The following MPRIP variants were observed in gnomAD, a reference collection of about 807,000 sequenced individuals.
The protein encoded by MPRIP is myosin phosphatase Rho-interacting protein.
A neutral mutation model predicts 234.9 loss-of-function variants in MPRIP; 59 were observed. The observed-to-expected ratio is 0.25, with a 90% CI of 0.20 to 0.31. The LOEUF (loss-of-function observed/expected upper bound fraction) is 0.31. Among genes scored for constraint, MPRIP ranks in the 10% least tolerant of loss-of-function variants. MPRIP has a pLI of 1.00. For missense variants in MPRIP, 2,436 were observed against 3,071.0 expected, an observed-to-expected ratio of 0.79 and a Z score of 4.89; for synonymous variants, 1,144 against 1,263.9, an observed-to-expected ratio of 0.91 and a Z score of 2.01.
intron 1 of MPRIP, among the ~76,000 whole-genome samples, chr17:17,051,609 A>G (rs1401313555): frequency 6.6e-6 from 1 of 152,136 alleles, no homozygotes; most frequent in South Asian, 2.1e-4. Flanking sequence ...TCTGCCCTAG[A>G]TTTTGTGCTT....
intron 23 of MPRIP, 76 bp from the exon 24 acceptor site, chr17:17,184,747 G>C: frequency 8.5e-7 from 1 of 1,171,272 alleles, no homozygotes; most frequent in Non-Finnish European, 1.3e-6. Flanking sequence ...CCAGCGGTCC[G>C]GTCTGGTCCG....
At position 17,138,155 on chromosome 17, in the gene MPRIP, G is replaced by T; in HGVS notation, c.976G>T (p.Val326Phe). The change falls in exon 7 of 24, where the codon GTC becomes TTC. Residue 326 changes from valine (V) to phenylalanine (F), a missense_variant. Val to Phe is a conservative substitution (Grantham distance 50, BLOSUM62 -1). Transcript: ENST00000651222. This position sits in a 1 kb window ranked among gnomAD's most constrained non-coding sequence, Gnocchi z 5.8. Reference sequence around the variant, plus strand: ...AGGTCCTCGACTCCCCCACCAAATGGTCTGCAGCATCTCCCTCAGCTCCCT... The same window carrying T: ...AGGTCCTCGACTCCCCCACCAAATGTTCTGCAGCATCTCCCTCAGCTCCCT... ...SPGPRLPHQM[V>F]CSISLSSLDV... The T allele has an allele frequency of 7.7e-7, 1 of 1,293,958 alleles. No individual in the cohort carries two copies. Among genetic ancestry groups the T allele is most frequent in the Middle Eastern group, 2.0e-4 (1 of 5,086 alleles). 80.2% of individuals were successfully genotyped at this position (1,293,958 alleles called of 1,614,324 possible).
chr17:17,095,839 G>A (rs1686357886), intron 3 of MPRIP, among the ~76,000 whole-genome samples: 6 of 152,154 alleles, frequency 3.9e-5, no homozygotes, highest in Admixed American at 3.9e-4. Flanking sequence ...GTCTGCAGCA[G>A]TGCCAGCCTG....
At position 17,192,560 on chromosome 17, in the gene MPRIP, C is replaced by T. The variant is rs1369491013; in HGVS notation, c.*7666C>T. 5 of 151,654 alleles carry T rather than the reference C, an allele frequency of 3.3e-5. No homozygotes were observed. The highest frequency in any genetic ancestry group is 7.4e-5 in the Non-Finnish European group (5 of 67,982). The allele number at this position is 151,654 out of a possible 1,614,324, so 9.4% of individuals were successfully genotyped here. ...TCCTTTGTGTGACATGCTAGATTCC[C>T]TGGATGTAGCTGATCATTTTTATTT... On this transcript the variant is annotated 3_prime_UTR_variant, in exon 24 of 24. Transcript: ENST00000651222.
Position 17,143,522 on chromosome 17 carries a change from G to A in MPRIP, c.1390-34G>A, listed in dbSNP as rs1239868544. ...TCCCTCACATGCCCACATTGCCCTG[G>A]GCTGCACTGACCAGCGGCTGCTCTC... On this transcript the variant is annotated intron_variant, in intron 8 of 23. Transcript: ENST00000651222. 5 of 1,469,442 alleles carry A rather than the reference G, an allele frequency of 3.4e-6. No homozygotes were observed. The East Asian group carries it at 1.2e-4, about 35-fold the overall frequency. The allele number at this position is 1,469,442 out of a possible 1,614,324, so 91.0% of individuals were successfully genotyped here.
intron 9 of MPRIP, among the ~76,000 whole-genome samples, chr17:17,145,331 TC>T (rs1164640925): frequency 3.3e-5 from 5 of 152,160 alleles, no homozygotes; most frequent in Admixed American, 3.3e-4. Flanking sequence ...AGAGAGCACC[TC>T]GGACCAGAGA....
At chr17:17,045,527 A>C (rs2088318622) in intron 1 of MPRIP, among the ~76,000 whole-genome samples, 1 of 152,210 alleles carries the variant, frequency 6.6e-6, no homozygotes, top group African/African-American at 2.4e-5. Flanking sequence ...AGCCAATGTT[A>C]GTTCCCCTAC....
intron 6 of MPRIP, among the ~76,000 whole-genome samples, chr17:17,136,803 GC>G (rs776235435): frequency 2.6e-5 from 4 of 152,200 alleles, no homozygotes; most frequent in African/African-American, 9.7e-5. Context: ...TGTGCATCCT[GC>G]CCCAAGAAGC....
Position 17,143,675 on chromosome 17 carries a change from C to T in MPRIP, c.1503+6C>T, listed in dbSNP as rs1193657406. 1.3e-6 allele frequency: 2 copies of T among 1,580,296 alleles called. No individual in the cohort carries two copies. Among genetic ancestry groups the T allele is most frequent in the Non-Finnish European group, 1.7e-6 (2 of 1,159,210 alleles). ...CCACGGAGCCCTCCGTGACGGTGAGCCCAGGCGCCGCGTCCTCCGGAGGCC... is the reference window on the plus strand; with the variant it reads ...CCACGGAGCCCTCCGTGACGGTGAGTCCAGGCGCCGCGTCCTCCGGAGGCC... On this transcript the variant is annotated splice_donor_region_variant and intron_variant, in intron 9 of 23. Coordinates refer to ENST00000651222, the MANE Select transcript of MPRIP (RefSeq NM_001364716.4).
chr17:17,067,361 G>A (rs2089063291), intron 1 of MPRIP, among the ~76,000 whole-genome samples: 1 of 152,126 alleles, frequency 6.6e-6, no homozygotes, highest in South Asian at 2.1e-4. Flanking sequence ...GGATGCACAA[G>A]CACTGCAACA....
Position 17,138,179 on chromosome 17 carries a change from C to G in MPRIP, c.1000C>G (p.Leu334Val). 1 of 1,086,006 alleles carries G rather than the reference C, an allele frequency of 9.2e-7. No homozygotes were observed. Among genetic ancestry groups the G allele is most frequent in the Non-Finnish European group, 1.3e-6 (1 of 768,550 alleles). The allele number at this position is 1,086,006 out of a possible 1,614,324, so 67.3% of individuals were successfully genotyped here. A position where few individuals can be genotyped will look rare whatever the true frequency, so the allele number is the denominator to read the frequency against. Reference sequence around the variant, plus strand: ...GGTCTGCAGCATCTCCCTCAGCTCCCTGGATGTGGCCAGCCAGCCACCTGC... The same window carrying G: ...GGTCTGCAGCATCTCCCTCAGCTCCGTGGATGTGGCCAGCCAGCCACCTGC... ...QMVCSISLSS[L>V]DVASQPPAYV... The change falls in exon 7 of 24, where the codon CTG (leucine) becomes GTG (valine). Residue 334 changes from leucine (L) to valine (V), a missense_variant. By Grantham distance (32) the Leu-to-Val change is conservative. Around this residue, in one of 4 missense-constraint regions of MPRIP, gnomAD observed 267 missense variants for 252.7 expected, o/e 1.06. Transcript: ENST00000651222. The surrounding 1 kb of genome is among the most constrained non-coding windows in gnomAD (Gnocchi z 5.8).
intron 19 of MPRIP, 42 bp from the exon 20 acceptor site, chr17:17,175,251 C>T: frequency 6.2e-7 from 1 of 1,611,966 alleles, no homozygotes; most frequent in African/African-American, 1.3e-5. Flanking sequence ...GACTTGGCCC[C>T]AGGCAGCTCT....
At position 17,059,856 on chromosome 17, in the gene MPRIP, G is replaced by A. The variant is rs572065511; in HGVS notation, c.124-15854G>A. Among the ~76,000 whole-genome samples the A allele has an allele frequency of 4.6e-5, 7 of 152,314 alleles. No individual in the cohort carries two copies. The South Asian group carries it at 1.5e-3, about 32-fold the overall frequency. ...AGTCTGCAGGGTCCCGGGTGGGCAT[G>A]GCTGTTCTGAGTTCTGGGACCAGCA... On this transcript the variant is annotated intron_variant, in intron 1 of 23. Coordinates refer to ENST00000651222, the MANE Select transcript of MPRIP (RefSeq NM_001364716.4).
chr17:17,132,589 AG>A (rs1362014391), intron 5 of MPRIP, among the ~76,000 whole-genome samples: 1 of 152,174 alleles, frequency 6.6e-6, no homozygotes. Flanking sequence ...CGGGCTACAG[AG>A]GTCAGGGAGC....
Position 17,165,416 on chromosome 17 carries a change from G to A in MPRIP, c.3825G>A (p.Gly1275=), listed in dbSNP as rs1415613834. The A allele has an allele frequency of 7.7e-7, 1 of 1,304,218 alleles. No individual in the cohort carries two copies. The highest frequency in any genetic ancestry group is 1.2e-5 in the South Asian group (1 of 81,032). 80.8% of individuals were successfully genotyped at this position (1,304,218 alleles called of 1,614,324 possible). A position where few individuals can be genotyped will look rare whatever the true frequency, so the allele number is the denominator to read the frequency against. The change falls in exon 16 of 24, where the codon GGG becomes GGA. Residue 1275 remains glycine (G), a synonymous_variant. Transcript: ENST00000651222. ...DEDEDLGAPP[G]EEYGDGSPSR... ...ACGAGGACCTGGGGGCTCCTCCGGGGGAAGAGTACGGTGATGGCAGCCCCA... is the reference window on the plus strand; with the variant it reads ...ACGAGGACCTGGGGGCTCCTCCGGGAGAAGAGTACGGTGATGGCAGCCCCA...
Position 17,173,861 on chromosome 17 carries a change from T to G in MPRIP, c.6591-55T>G, listed in dbSNP as rs561447511. 4 of 1,609,152 alleles carry G rather than the reference T, an allele frequency of 2.5e-6. No homozygotes were observed. The East Asian group carries it at 8.9e-5, about 36-fold the overall frequency. On this transcript the variant is annotated intron_variant, in intron 18 of 23. Transcript: ENST00000651222. ...CTGGTGTCAAGGAGGGACACCGGCC[T>G]CTGAGAGGCCTTGTCCAGAAGCAGG...
At chr17:17,088,248 G>A (rs1418989863) in intron 3 of MPRIP, among the ~76,000 whole-genome samples, 1 of 152,238 alleles carries the variant, frequency 6.6e-6, no homozygotes, top group African/African-American at 2.4e-5. Context: ...CAGCCAGGAA[G>A]ATGGGCTGTG....
chr17:17,059,338 T>C (rs1367666959), intron 1 of MPRIP, among the ~76,000 whole-genome samples: 1 of 152,150 alleles, frequency 6.6e-6, no homozygotes, highest in Admixed American at 6.5e-5. Context: ...AAAGGATGTT[T>C]TAGTATTTTT....
chr17:17,131,829 C>A, intron 5 of MPRIP, 128 bp downstream of exon 5: 1 of 790,240 alleles, frequency 1.3e-6, no homozygotes, highest in Non-Finnish European at 2.1e-6. Context: ...CAACTCTGCA[C>A]ATCCTTGCTT....
Sources: gnomAD v4.1 joint callset for allele counts (sites outside exome capture counted in the v4.1 genomes callset) on GRCh38, gnomAD v4.1.1 for gene constraint, gnomAD v4.1.1 regional missense constraint, Gnocchi (gnomAD v3.1) non-coding constraint, MANE v1.5 for transcripts, NCBI Gene and HGNC (gene_info 2026-07-23, HGNC 2026-07-21) for gene names.